RBMS1: variants seen among roughly 807,000 people sequenced by gnomAD.
RBMS1 encodes RNA-binding motif, single-stranded-interacting protein 1.
Under a neutral mutation model 62.3 loss-of-function variants are expected in RBMS1, and 17 were observed. That is an observed-to-expected ratio of 0.27 (90% CI 0.19 to 0.41). RBMS1 has a LOEUF of 0.41. RBMS1 is among the 10% of genes least tolerant of loss of function. RBMS1 has a pLI of 1.00. For missense variants in RBMS1, 334 were observed against 504.5 expected (o/e 0.66, Z 3.24); for synonymous variants, 172 against 170.0 (o/e 1.01, Z -0.09).
At chr2:160,356,706 C>G (rs1299298419) in intron 2 of RBMS1, among the ~76,000 whole-genome samples, 1 of 152,168 alleles carries the variant, frequency 6.6e-6, no homozygotes, top group Non-Finnish European at 1.5e-5. Context: ...CTTGGACTTT[C>G]CAGCCTCCAG....
chr2:160,367,611 G>A, intron 1 of RBMS1: 1 of 728,864 alleles, frequency 1.4e-6, no homozygotes, highest in Non-Finnish European at 2.0e-6. Flanking sequence ...TTCTCTATGT[G>A]CACCTTAAAT....
At chr2:160,429,819 A>G (rs995953467) in intron 1 of RBMS1, among the ~76,000 whole-genome samples, 2 of 152,148 alleles carry the variant, frequency 1.3e-5, no homozygotes, top group African/African-American at 2.4e-5. Context: ...TGCTTTCCCA[A>G]TGTGATTCTC....
At chr2:160,387,662 C>T (rs924822796) in intron 1 of RBMS1, among the ~76,000 whole-genome samples, 2 of 152,144 alleles carry the variant, frequency 1.3e-5, no homozygotes, top group African/African-American at 4.8e-5. Context: ...GAAACTCATT[C>T]TCATTGCTCA....
In RBMS1 at chr2:160,335,667, T is replaced by A. The variant is rs191904645; in HGVS notation, c.252-17440A>T. Among the ~76,000 whole-genome samples, 13 of 152,322 alleles carry A rather than the reference T, an allele frequency of 8.5e-5. No homozygotes were observed. The East Asian group carries it at 2.5e-3, about 29-fold the overall frequency. ...AATCCTGATGTAACTGTATCCCATA[T>A]AGTCATGCCAATTAAAAACTTCCCA... On this transcript the variant is annotated intron_variant, in intron 2 of 13. Coordinates refer to ENST00000348849, the MANE Select transcript of RBMS1 (RefSeq NM_016836.4).
At chr2:160,438,379 T>C (rs936897254) in intron 1 of RBMS1, among the ~76,000 whole-genome samples, 31 of 151,772 alleles carry the variant, frequency 2.0e-4, no homozygotes, top group Non-Finnish European at 1.2e-4. Context: ...CAAAGGTCTC[T>C]GGTTTTCCTA....
chr2:160,468,549 C>A (rs1319525456), intron 1 of RBMS1, among the ~76,000 whole-genome samples: 3 of 152,124 alleles, frequency 2.0e-5, no homozygotes, highest in East Asian at 3.8e-4. Flanking sequence ...AAAAAACATA[C>A]AATCTATTTT....
chr2:160,368,867 A>C lies in RBMS1; in HGVS notation c.76-1476T>G, dbSNP rs1277379945. 7.9e-5 allele frequency among the ~76,000 whole-genome samples: 12 copies of C among 152,178 alleles called. No individual in the cohort carries two copies. In the East Asian group the frequency reaches 2.1e-3, roughly 27 times the overall value. ...GTTGACCTGGCTGGTCTTGAACTCC[A>C]GACCTCAGGTGATCCGCTCAACTCG... On this transcript the variant is annotated intron_variant, in intron 1 of 13. Transcript: ENST00000348849.
chr2:160,331,009 C>T (rs770813580), intron 2 of RBMS1, among the ~76,000 whole-genome samples: 2 of 152,118 alleles, frequency 1.3e-5, no homozygotes, highest in African/African-American at 2.4e-5. Flanking sequence ...GGAGAGATTC[C>T]TGCAAGCCAG....
At chr2:160,385,304 A>G (rs999406613) in intron 1 of RBMS1, among the ~76,000 whole-genome samples, 34 of 152,168 alleles carry the variant, frequency 2.2e-4, no homozygotes, top group Middle Eastern at 3.2e-3. Context: ...ACATATAAAG[A>G]GCTTCTCGAT....
At chr2:160,423,030 T>C (rs1696495240) in intron 1 of RBMS1, among the ~76,000 whole-genome samples, 1 of 152,160 alleles carries the variant, frequency 6.6e-6, no homozygotes. Context: ...TACATATCTA[T>C]ACTTTTGCAT....
intron 2 of RBMS1, among the ~76,000 whole-genome samples, chr2:160,324,628 T>C (rs1482766718): frequency 2.6e-5 from 4 of 151,838 alleles, no homozygotes; most frequent in African/African-American, 4.8e-5. Flanking sequence ...GTTTTCATAA[T>C]AGCTGCTCCT....
chr2:160,442,043 A>C (rs1331787506), intron 1 of RBMS1, among the ~76,000 whole-genome samples: 1 of 152,230 alleles, frequency 6.6e-6, no homozygotes, highest in African/African-American at 2.4e-5. Context: ...TGTATTCCAG[A>C]TCCAAATACT....
At chr2:160,355,558 T>C (rs1310862807) in intron 2 of RBMS1, among the ~76,000 whole-genome samples, 2 of 152,102 alleles carry the variant, frequency 1.3e-5, no homozygotes, top group Non-Finnish European at 2.9e-5. Context: ...CCACATTCTA[T>C]CAAGGACAAA....
intron 1 of RBMS1, among the ~76,000 whole-genome samples, chr2:160,418,688 A>T (rs1285695515): frequency 1.3e-5 from 2 of 152,112 alleles, no homozygotes; most frequent in African/African-American, 4.8e-5. Context: ...AACATGAAAA[A>T]CTGAAACAAA....
chr2:160,281,300 G>A lies in RBMS1; in HGVS notation c.951+14C>T, dbSNP rs531283111. 13 of 1,589,970 alleles carry A rather than the reference G, an allele frequency of 8.2e-6. No homozygotes were observed. In the South Asian group the frequency reaches 1.5e-4, roughly 18 times the overall value. ...TACTTGTAAAACACAAAGTCATTAAGATAAAAAACTTACAGGGTGCTGTAG... is the reference window on the plus strand; with the variant it reads ...TACTTGTAAAACACAAAGTCATTAAAATAAAAAACTTACAGGGTGCTGTAG... On this transcript the variant is annotated intron_variant, in intron 10 of 13. Coordinates refer to ENST00000348849, the MANE Select transcript of RBMS1 (RefSeq NM_016836.4).
At chr2:160,396,796 C>T (rs1342873980) in intron 1 of RBMS1, among the ~76,000 whole-genome samples, 1 of 152,058 alleles carries the variant, frequency 6.6e-6, no homozygotes, top group African/African-American at 2.4e-5. Flanking sequence ...AACTCCTGAC[C>T]TCGTAATCCG....
At chr2:160,352,106 T>C (rs1490518026) in intron 2 of RBMS1, among the ~76,000 whole-genome samples, 1 of 152,132 alleles carries the variant, frequency 6.6e-6, no homozygotes, top group Non-Finnish European at 1.5e-5. Context: ...GTAGTGAACA[T>C]AGGGAAATAC....
At chr2:160,278,304 A>G (rs1687937284) in intron 11 of RBMS1, 2 of 528,094 alleles carry the variant, frequency 3.8e-6, no homozygotes, top group Non-Finnish European at 6.8e-6. Context: ...ATAAAAGGCT[A>G]GATGTGGTCA....
intron 4 of RBMS1, among the ~76,000 whole-genome samples, chr2:160,311,210 A>ATCTCTCTCTCTCTGTCTC (rs1361792296): frequency 1.8e-5 from 1 of 56,612 alleles, no homozygotes; most frequent in Admixed American, 2.1e-4. Flanking sequence ...AAAAAAAAAA[A>ATCTCTCTCTCTCTGTCTC]TCTATCTATC....
Sources: allele counts gnomAD v4.1 joint callset (sites outside exome capture counted in the v4.1 genomes callset), GRCh38; gene constraint gnomAD v4.1.1; transcripts MANE v1.5; gene names NCBI Gene and HGNC (gene_info 2026-07-23, HGNC 2026-07-21).